Variants in MYRIP observed in about 807,000 individuals in gnomAD.
MYRIP encodes myosin VIIA and Rab interacting protein.
In MYRIP, 49 loss-of-function variants were observed where a neutral mutation model predicts 98.0. The observed-to-expected ratio is 0.50, with a 90% confidence interval of 0.40 to 0.63. MYRIP has a LOEUF of 0.63. MYRIP is among the 30% of genes least tolerant of loss of function. MYRIP has a pLI of 0.00. For missense variants in MYRIP, 1,004 were observed against 1,058.2 expected, an observed-to-expected ratio of 0.95 and a Z score of 0.71; for synonymous variants, 404 against 409.5, an observed-to-expected ratio of 0.99 and a Z score of 0.16.
At chr3:39,826,118 A>G (rs555092676) in intron 1 of MYRIP, among the ~76,000 whole-genome samples, 1 of 128,134 alleles carries the variant, frequency 7.8e-6, no homozygotes, top group Non-Finnish European at 1.7e-5. Context: ...ATATTTTTTT[A>G]AAAAAACAAT....
At chr3:40,028,381 A>C (rs910046871) in intron 2 of MYRIP, among the ~76,000 whole-genome samples, 3 of 152,204 alleles carry the variant, frequency 2.0e-5, no homozygotes, top group Middle Eastern at 3.2e-3. Flanking sequence ...CCCAGTGCTC[A>C]AGCAACAAAT....
Position 39,913,384 on chromosome 3 carries a change from A to G in MYRIP, c.110+12458A>G, listed in dbSNP as rs528176226. Among the ~76,000 whole-genome samples, 68 of 152,268 alleles carry G rather than the reference A, an allele frequency of 4.5e-4. No individual in the cohort carries two copies. In the South Asian group the frequency reaches 0.013, roughly 28 times the overall value. On this transcript the variant is annotated intron_variant, in intron 2 of 16. Coordinates refer to ENST00000302541, the MANE Select transcript of MYRIP (RefSeq NM_015460.4). ...AACACATTAGTTTTGTCACACAAAG[A>G]TATTTGGGTAATTTAATATCAAAGG... is the stretch of plus-strand genomic sequence containing the variant.
intron 2 of MYRIP, among the ~76,000 whole-genome samples, chr3:39,993,327 T>G (rs1357235190): frequency 6.6e-6 from 1 of 152,226 alleles, no homozygotes; most frequent in Non-Finnish European, 1.5e-5. Context: ...TGATTGAGTT[T>G]CCAGCACATA....
In MYRIP at chr3:40,101,703, C is replaced by T. The variant is rs573341366; in HGVS notation, c.333-49345C>T. Among the ~76,000 whole-genome samples, 11 of 152,160 alleles carry T rather than the reference C, an allele frequency of 7.2e-5. No individual in the cohort carries two copies. In the East Asian group the frequency reaches 2.1e-3, roughly 29 times the overall value. ...TTATTTCTGAGAGTTATTTTTGTTT[C>T]TATATTCCCTTTACTATGTAATGCT... On this transcript the variant is annotated intron_variant, in intron 3 of 16. Transcript: ENST00000302541.
At chr3:39,916,049 T>C (rs1944150794) in intron 2 of MYRIP, among the ~76,000 whole-genome samples, 1 of 151,878 alleles carries the variant, frequency 6.6e-6, no homozygotes, top group Non-Finnish European at 1.5e-5. Flanking sequence ...TTTCTAGGGG[T>C]TCTGTCCTAC....
chr3:40,155,220 C>T (rs1279334618), intron 4 of MYRIP, among the ~76,000 whole-genome samples: 3 of 150,136 alleles, frequency 2.0e-5, no homozygotes, highest in African/African-American at 4.9e-5. Flanking sequence ...CAATTCCCAC[C>T]TATGAGTGAG....
At chr3:40,244,756 C>T in intron 13 of MYRIP, 149 bp downstream of exon 13, 1 of 863,878 alleles carries the variant, frequency 1.2e-6, no homozygotes, top group Non-Finnish European at 1.7e-6. Context: ...AGATGGATTC[C>T]ACCAAATTCT....
chr3:40,244,345 C>T, intron 12 of MYRIP, 101 bp from the exon 13 acceptor site: 3 of 1,020,508 alleles, frequency 2.9e-6, no homozygotes, highest in Admixed American at 2.8e-5. Context: ...AATGTGAAGT[C>T]CAGTTATCTC....
chr3:40,172,388 AG>A (rs1178729816), intron 8 of MYRIP, among the ~76,000 whole-genome samples: 7 of 152,102 alleles, frequency 4.6e-5, no homozygotes, highest in African/African-American at 1.7e-4. Flanking sequence ...AGTAAGAGGA[AG>A]GGCACTGCTA....
chr3:40,129,503 T>A (rs1575560787), intron 3 of MYRIP, among the ~76,000 whole-genome samples: 1 of 121,524 alleles, frequency 8.2e-6, no homozygotes, highest in South Asian at 2.6e-4. Context: ...AACACCCAGC[T>A]AATTTTGCTA....
intron 3 of MYRIP, among the ~76,000 whole-genome samples, chr3:40,063,635 T>C (rs1948066363): frequency 6.6e-6 from 1 of 152,226 alleles, no homozygotes; most frequent in Admixed American, 6.5e-5. Flanking sequence ...TCTTTTCTTC[T>C]TGAAGCATAT....
chr3:40,132,229 G>A (rs1404036345), intron 3 of MYRIP, among the ~76,000 whole-genome samples: 1 of 152,174 alleles, frequency 6.6e-6, no homozygotes, highest in African/African-American at 2.4e-5. Flanking sequence ...TGTCTCTACA[G>A]CTGCAGAAAA....
intron 3 of MYRIP, among the ~76,000 whole-genome samples, chr3:40,088,410 T>C (rs1326213992): frequency 6.6e-6 from 1 of 152,196 alleles, no homozygotes; most frequent in African/African-American, 2.4e-5. Context: ...TCTCCATTAC[T>C]GGGAAACCAG....
At chr3:40,047,777 C>A (rs143647136) in intron 3 of MYRIP, among the ~76,000 whole-genome samples, 2 of 152,152 alleles carry the variant, frequency 1.3e-5, no homozygotes, top group South Asian at 4.1e-4. Flanking sequence ...CAAAGTACCA[C>A]GGATGTATGG....
intron 3 of MYRIP, among the ~76,000 whole-genome samples, chr3:40,058,204 C>T (rs1397752846): frequency 6.6e-6 from 1 of 151,900 alleles, no homozygotes; most frequent in Non-Finnish European, 1.5e-5. Context: ...TTAAAGATAC[C>T]ACCACTTGGG....
At chr3:40,029,140 T>G (rs1390171553) in intron 2 of MYRIP, among the ~76,000 whole-genome samples, 2 of 152,164 alleles carry the variant, frequency 1.3e-5, no homozygotes, top group Admixed American at 6.5e-5. Context: ...AGCCAGTCAA[T>G]TTGAGGCTGT....
chr3:40,115,675 A>G (rs1277138826), intron 3 of MYRIP, among the ~76,000 whole-genome samples: 3 of 152,196 alleles, frequency 2.0e-5, no homozygotes, highest in Non-Finnish European at 2.9e-5. Flanking sequence ...CCTTTAAAAT[A>G]TGGTATTTCT....
At chr3:39,873,120 G>A (rs1402648124) in intron 1 of MYRIP, among the ~76,000 whole-genome samples, 1 of 152,092 alleles carries the variant, frequency 6.6e-6, no homozygotes, top group African/African-American at 2.4e-5. Context: ...ATGTTTTTTG[G>A]CTGCATAAAT....
At chr3:40,126,531 C>A (rs72856929) in intron 3 of MYRIP, among the ~76,000 whole-genome samples, 2,622 of 152,252 alleles carry the variant, frequency 0.017, 47 homozygotes, top group African/African-American at 0.037. Flanking sequence ...CTTGGTGAGG[C>A]ACTGTGCTAA....
Sources: allele counts gnomAD v4.1 joint callset (sites outside exome capture counted in the v4.1 genomes callset), GRCh38; gene constraint gnomAD v4.1.1; transcripts MANE v1.5; gene names NCBI Gene and HGNC (gene_info 2026-07-23, HGNC 2026-07-21).